Variants in CDH18 observed in about 807,000 individuals in gnomAD.
The protein encoded by CDH18 is cadherin-18.
Under a neutral mutation model 67.9 loss-of-function variants are expected in CDH18, and 31 were observed. The observed-to-expected ratio is 0.46, with a 90% CI of 0.34 to 0.62. The LOEUF (loss-of-function observed/expected upper bound fraction) is 0.62. CDH18 is among the 20% of genes least tolerant of loss of function. The pLI, the probability that CDH18 is intolerant of heterozygous loss-of-function variation, is 0.01. For synonymous variants in CDH18, 362 were observed against 347.2 expected (o/e 1.04, Z -0.48); for missense variants, 890 against 975.5 (o/e 0.91, Z 1.17).
intron 12 of CDH18, among the ~76,000 whole-genome samples, chr5:19,481,582 T>C (rs1318397401): frequency 6.6e-6 from 1 of 152,174 alleles, no homozygotes; most frequent in Non-Finnish European, 1.5e-5. Flanking sequence ...AATGGGACTC[T>C]CTAGCTTTAA....
intron 1 of CDH18, among the ~76,000 whole-genome samples, chr5:20,269,354 C>T (rs535332629): frequency 2.6e-5 from 4 of 151,328 alleles, no homozygotes; most frequent in South Asian, 2.1e-4. Flanking sequence ...AACTGCAATT[C>T]GATCTAGCAC....
chr5:19,832,438 A>C (rs1781154464), intron 3 of CDH18, among the ~76,000 whole-genome samples: 1 of 152,118 alleles, frequency 6.6e-6, no homozygotes, highest in African/African-American at 2.4e-5. Context: ...AGGTCTGTTG[A>C]CAAAATGTTT....
At chr5:19,489,508 T>A (rs56659157) in intron 11 of CDH18, among the ~76,000 whole-genome samples, 8 of 151,908 alleles carry the variant, frequency 5.3e-5, no homozygotes, top group South Asian at 4.2e-4. Flanking sequence ...TGGCCTCCCA[T>A]AGTGCTGGGA....
intron 2 of CDH18, among the ~76,000 whole-genome samples, chr5:20,211,536 G>C (rs114567702): frequency 0.018 from 2,803 of 152,240 alleles, 39 homozygotes; most frequent in Middle Eastern, 0.075. Flanking sequence ...GCCCCTCTAA[G>C]ACGAAGCTTC....
chr5:19,712,573 C>T (rs765983114), intron 5 of CDH18, among the ~76,000 whole-genome samples: 3 of 151,096 alleles, frequency 2.0e-5, no homozygotes, highest in Non-Finnish European at 4.4e-5. Context: ...GATCAATAGA[C>T]TAAGTGAAAA....
Position 19,650,801 on chromosome 5 carries a change from A to G in CDH18, c.644-38200T>C, listed in dbSNP as rs570869150. 3.9e-5 allele frequency among the ~76,000 whole-genome samples: 6 copies of G among 152,168 alleles called. No individual in the cohort carries two copies. In the South Asian group the frequency reaches 1.2e-3, roughly 31 times the overall value. On this transcript the variant is annotated intron_variant, in intron 5 of 12. Transcript: ENST00000382275. ...AGTAATCACAAATGTACTAGGGAAG[A>G]ATAATGACAGAATTAGCTCTTTTCA... is the stretch of plus-strand genomic sequence containing the variant.
At chr5:20,218,310 C>T (rs1740939302) in intron 2 of CDH18, among the ~76,000 whole-genome samples, 1 of 151,858 alleles carries the variant, frequency 6.6e-6, no homozygotes, top group Non-Finnish European at 1.5e-5. Context: ...GAAATAATTT[C>T]AACTATCTTC....
chr5:19,627,012 T>C (rs1455069954), intron 5 of CDH18, among the ~76,000 whole-genome samples: 1 of 152,208 alleles, frequency 6.6e-6, no homozygotes, highest in African/African-American at 2.4e-5. Flanking sequence ...TATTTTACCA[T>C]TATCTATAAT....
chr5:20,158,719 T>C (rs946526241), intron 2 of CDH18: 1 of 169,306 alleles, frequency 5.9e-6, no homozygotes, highest in Admixed American at 6.4e-5. Context: ...ATAATTTCTG[T>C]AAATAGATTC....
chr5:19,573,725 G>A (rs2149949048), intron 7 of CDH18, among the ~76,000 whole-genome samples: 1 of 152,224 alleles, frequency 6.6e-6, no homozygotes, highest in South Asian at 2.1e-4. Flanking sequence ...CCTAGAAATG[G>A]TACATACTTG....
chr5:20,424,310 C>T (rs916461852), intron 1 of CDH18, among the ~76,000 whole-genome samples: 1 of 150,902 alleles, frequency 6.6e-6, no homozygotes, highest in Admixed American at 6.6e-5. Flanking sequence ...GGATCTGAAA[C>T]ACACAGGCCG....
intron 4 of CDH18, among the ~76,000 whole-genome samples, chr5:19,743,224 C>T (rs1222708914): frequency 1.3e-5 from 2 of 152,152 alleles, no homozygotes; most frequent in Non-Finnish European, 2.9e-5. Context: ...ATATTTGTAA[C>T]AAACGCTATA....
Position 19,962,395 on chromosome 5 carries a change from A to AAAT in CDH18, c.-257+18664_-257+18665insATT, listed in dbSNP as rs58319680. On this transcript the variant is annotated intron_variant, in intron 2 of 12. Transcript: ENST00000382275. ...TCAAAAAGCAAAAAAAAAAAAAAAA[A>AAAT]AGAAAATTCAATTCCTTTAAGAATA... 6.7e-4 allele frequency among the ~76,000 whole-genome samples: 79 copies of AAAT among 117,050 alleles called. 2 individuals are homozygous for AAAT. The highest frequency in any genetic ancestry group is 1.0e-3 in the African/African-American group (33 of 31,730). 76.8% of individuals were successfully genotyped at this position (117,050 alleles called of 152,430 possible).
intron 3 of CDH18, among the ~76,000 whole-genome samples, chr5:19,785,707 T>C (rs1201188748): frequency 1.1e-5 from 1 of 95,092 alleles, no homozygotes; most frequent in Admixed American, 1.3e-4. Flanking sequence ...TATATATATA[T>C]ATATATATAT....
At chr5:20,056,294 A>T (rs1741911688) in intron 2 of CDH18, among the ~76,000 whole-genome samples, 1 of 148,088 alleles carries the variant, frequency 6.8e-6, no homozygotes, top group Non-Finnish European at 1.5e-5. Flanking sequence ...ATGAGCCACC[A>T]CACGCAGCCA....
At chr5:20,088,154 C>G (rs1898159) in intron 2 of CDH18, among the ~76,000 whole-genome samples, 2 of 152,054 alleles carry the variant, frequency 1.3e-5, no homozygotes, top group South Asian at 4.1e-4. Context: ...ATTCCACCAC[C>G]ATTGCTATTC....
intron 1 of CDH18, among the ~76,000 whole-genome samples, chr5:20,520,960 C>A (rs936006278): frequency 6.6e-6 from 1 of 152,128 alleles, no homozygotes; most frequent in African/African-American, 2.4e-5. Flanking sequence ...AAAAGGTGAG[C>A]AGTAGCTAAC....
At chr5:19,633,716 G>A (rs1752723575) in intron 5 of CDH18, among the ~76,000 whole-genome samples, 1 of 151,922 alleles carries the variant, frequency 6.6e-6, no homozygotes, top group African/African-American at 2.4e-5. Context: ...TGCAACCTCT[G>A]CCTCCCAGGC....
rs1748186840 is a variant in CDH18, at chr5:20,425,077, T to A, written c.-580+150385A>T. ...ACTTAGTCTTAGAGTTAAAAAAAAA[T>A]TAAAATAAGGCTGGGCACGGTGACT... On this transcript the variant is annotated intron_variant, in intron 1 of 14. Coordinates refer to the CDH18 transcript ENST00000507958. 2.0e-5 allele frequency among the ~76,000 whole-genome samples: 3 copies of A among 150,474 alleles called. 1 individual carries two copies. The highest frequency in any genetic ancestry group is 6.6e-5 in the Admixed American group (1 of 15,196).
Sources: allele counts gnomAD v4.1 joint callset (sites outside exome capture counted in the v4.1 genomes callset), GRCh38; gene constraint gnomAD v4.1.1; transcripts MANE v1.5; gene names NCBI Gene and HGNC (gene_info 2026-07-23, HGNC 2026-07-21).